SAMD3: variants seen among roughly 807,000 people sequenced by gnomAD.
SAMD3 encodes the protein sterile alpha motif domain containing 3.
SAMD3 carries 63 observed loss-of-function variants against 58.5 expected under a neutral mutation model. The ratio of observed to expected loss-of-function variants is 1.08; its 90% CI spans 0.88 to 1.33. The LOEUF (loss-of-function observed/expected upper bound fraction) is 1.33. SAMD3 is among the 40% of genes most tolerant of loss of function. The pLI, the probability that SAMD3 is intolerant of heterozygous loss-of-function variation, is 0.00. For synonymous variants in SAMD3, 220 were observed against 210.3 expected (o/e 1.05, Z -0.40); for missense variants, 604 against 608.4 (o/e 0.99, Z 0.08).
At chr6:130,291,284 T>C (rs1351262372) in intron 2 of SAMD3, among the ~76,000 whole-genome samples, 2 of 152,182 alleles carry the variant, frequency 1.3e-5, no homozygotes, top group Non-Finnish European at 2.9e-5. Context: ...TTTGTATTTT[T>C]AGTAGAGATG....
intron 2 of SAMD3, among the ~76,000 whole-genome samples, chr6:130,307,585 G>T (rs774945830): frequency 6.6e-6 from 1 of 152,156 alleles, no homozygotes; most frequent in African/African-American, 2.4e-5. Context: ...GGGGTGGACT[G>T]TTCCACAAAC....
chr6:130,276,462 A>G (rs1774778785), intron 2 of SAMD3, among the ~76,000 whole-genome samples: 1 of 152,172 alleles, frequency 6.6e-6, no homozygotes, highest in African/African-American at 2.4e-5. Context: ...TAGGTAAGTA[A>G]AGAGTGGGTG....
chr6:130,217,720 A>G (rs1796072647), intron 1 of SAMD3, among the ~76,000 whole-genome samples: 1 of 152,254 alleles, frequency 6.6e-6, no homozygotes, highest in Non-Finnish European at 1.5e-5. Flanking sequence ...CGACCACAAA[A>G]GAGCACTTTT....
At chr6:130,221,577 G>C (rs1417365485) in intron 1 of SAMD3, 1 of 152,166 alleles carries the variant, frequency 6.6e-6, no homozygotes, top group Admixed American at 6.5e-5. Flanking sequence ...AAATGAGTTA[G>C]AGGAAAGAAA....
chr6:130,361,103 T>C (rs1040208356), intron 1 of SAMD3, among the ~76,000 whole-genome samples: 1 of 151,978 alleles, frequency 6.6e-6, no homozygotes, highest in Admixed American at 6.6e-5. Context: ...GCAACATATA[T>C]CCTCCTCAGC....
intron 2 of SAMD3, among the ~76,000 whole-genome samples, chr6:130,249,979 A>G (rs1477782365): frequency 1.3e-5 from 2 of 152,168 alleles, no homozygotes; most frequent in Non-Finnish European, 2.9e-5. Flanking sequence ...CATTTACAGC[A>G]TCCAACCCTG....
intron 1 of SAMD3, among the ~76,000 whole-genome samples, chr6:130,358,758 CACAT>C (rs1777905285): frequency 6.6e-6 from 1 of 150,468 alleles, no homozygotes; most frequent in African/African-American, 2.5e-5. Flanking sequence ...CACACACACA[CACAT>C]TTTAACAAAG....
chr6:130,238,490 A>T (rs1773243953), intron 2 of SAMD3, among the ~76,000 whole-genome samples: 1 of 152,260 alleles, frequency 6.6e-6, no homozygotes, highest in Middle Eastern at 3.4e-3. Context: ...TAATTATTTT[A>T]AAAAAAGAAA....
intron 4 of SAMD3, among the ~76,000 whole-genome samples, chr6:130,213,878 A>G (rs1795792197): frequency 6.6e-6 from 1 of 152,208 alleles, no homozygotes; most frequent in Non-Finnish European, 1.5e-5. Flanking sequence ...AGCAAATTAC[A>G]TCGTAAAGGC....
chr6:130,331,372 T>G lies in SAMD3; in HGVS notation c.-303-18279A>C, dbSNP rs116969608. Among the ~76,000 whole-genome samples, 616 of 151,746 alleles carry G rather than the reference T, an allele frequency of 4.1e-3. 4 individuals are homozygous for G. Among genetic ancestry groups the G allele is most frequent in the Non-Finnish European group, 6.8e-3 (459 of 67,868 alleles). ...ATAGAAAATTCAAGAGAACTTACTT[T>G]AAAAAAAAATCTGAGTTGATGAGGA... is the stretch of plus-strand genomic sequence containing the variant. On this transcript the variant is annotated intron_variant, in intron 1 of 13. Transcript: ENST00000368134.
intron 1 of SAMD3, among the ~76,000 whole-genome samples, chr6:130,324,772 A>AT (rs5880015): frequency 0.48 from 70,955 of 147,536 alleles, 20,490 homozygotes; most frequent in African/African-American, 0.83. Flanking sequence ...TTTGGAGAAC[A>AT]TTTTTTTTTT....
At chr6:130,180,053 G>T (rs905382228) in intron 7 of SAMD3, among the ~76,000 whole-genome samples, 2 of 151,788 alleles carry the variant, frequency 1.3e-5, no homozygotes, top group African/African-American at 4.8e-5. Context: ...GACCTCAGGT[G>T]ATCCACCCGC....
chr6:130,157,345 T>TA (rs1312870849), intron 8 of SAMD3, among the ~76,000 whole-genome samples: 1 of 2,304 alleles, frequency 4.3e-4, no homozygotes, highest in South Asian at 7.7e-3. Flanking sequence ...AGCTAACATA[T>TA]TTTTTTTTTT....
intron 2 of SAMD3, among the ~76,000 whole-genome samples, chr6:130,278,388 C>T (rs3914331): frequency 0.31 from 47,355 of 152,078 alleles, 7,763 homozygotes; most frequent in East Asian, 0.47. Flanking sequence ...TGTGAATTAC[C>T]GTTTCTCTAT....
At chr6:130,349,133 T>C (rs559595841) in intron 1 of SAMD3, among the ~76,000 whole-genome samples, 1 of 151,864 alleles carries the variant, frequency 6.6e-6, no homozygotes, top group South Asian at 2.1e-4. Context: ...GCAGGAAAGA[T>C]CTAAAATGGA....
At chr6:130,145,965 GATAA>G (rs1250246709) in intron 10 of SAMD3, 41 bp downstream of exon 10, 1 of 1,208,602 alleles carries the variant, frequency 8.3e-7, no homozygotes, top group Non-Finnish European at 1.1e-6. Context: ...TAGATATTCT[GATAA>G]ATAACAGATG....
At chr6:130,145,585 A>T (rs528041165) in intron 10 of SAMD3, among the ~76,000 whole-genome samples, 163 bp from the exon 11 acceptor site, 14 of 152,318 alleles carry the variant, frequency 9.2e-5, no homozygotes, top group African/African-American at 2.6e-4. Flanking sequence ...CCCTCTTCTA[A>T]TAAAACATTC....
At chr6:130,351,247 G>A (rs916349228) in intron 1 of SAMD3, among the ~76,000 whole-genome samples, 1 of 152,106 alleles carries the variant, frequency 6.6e-6, no homozygotes, top group Non-Finnish European at 1.5e-5. Context: ...AAACTAAAGA[G>A]CTTCTGCACA....
chr6:130,365,683 C>G (rs572182640), upstream of SAMD3: 105 of 985,500 alleles, frequency 1.1e-4, no homozygotes, highest in Middle Eastern at 3.1e-3. Context: ...TCCGTTTCCG[C>G]ACGCCAGCCT....
Sources: gnomAD v4.1 joint callset for allele counts (sites outside exome capture counted in the v4.1 genomes callset) on GRCh38, gnomAD v4.1.1 for gene constraint, MANE v1.5 for transcripts, NCBI Gene and HGNC (gene_info 2026-07-23, HGNC 2026-07-21) for gene names.